Variants in CYB5R3 observed in about 807,000 individuals in gnomAD.
CYB5R3 encodes the protein cytochrome b5 reductase 3, also known as NADH-cytochrome b5 reductase 3.
Under a neutral mutation model 36.5 loss-of-function variants are expected in CYB5R3, and 28 were observed. That is an observed-to-expected ratio of 0.77 (90% confidence interval 0.57 to 1.05). The LOEUF (loss-of-function observed/expected upper bound fraction) is 1.05, where lower values mean the gene tolerates loss of function less well. Among genes scored for constraint, CYB5R3 ranks in the 50% least tolerant of loss-of-function variants. The pLI is 0.00. For synonymous variants in CYB5R3, 181 were observed against 159.8 expected (o/e 1.13, Z -1.00); for missense variants, 474 against 408.9 (o/e 1.16, Z -1.37).
chr22:42,637,684 C>T (rs1782426011), intron 1 of CYB5R3, among the ~76,000 whole-genome samples: 3 of 152,174 alleles, frequency 2.0e-5, no homozygotes, highest in Non-Finnish European at 4.4e-5. Flanking sequence ...CTCTGGGATC[C>T]CAGGGCCACG....
At chr22:42,645,676 CA>C (rs899112735) in intron 1 of CYB5R3, among the ~76,000 whole-genome samples, 5 of 152,184 alleles carry the variant, frequency 3.3e-5, no homozygotes, top group African/African-American at 4.8e-5. Flanking sequence ...ATTCAGTCCT[CA>C]AGCCTGTTCA....
chr22:42,640,919 C>T (rs763110923), intron 1 of CYB5R3, among the ~76,000 whole-genome samples: 78 of 151,884 alleles, frequency 5.1e-4, no homozygotes, highest in Middle Eastern at 3.4e-3. Flanking sequence ...TGCAGTGGCA[C>T]GGTCTCAGCT....
At chr22:42,623,947 A>G (rs1928125081) in intron 7 of CYB5R3, 59 bp from the exon 8 acceptor site, 1 of 1,471,962 alleles carries the variant, frequency 6.8e-7, no homozygotes, top group East Asian at 2.3e-5. Flanking sequence ...CCCTGGAGAC[A>G]CTCAACAGAG....
intron 8 of CYB5R3, among the ~76,000 whole-genome samples, chr22:42,622,416 G>A (rs551068234): frequency 1.3e-5 from 2 of 152,240 alleles, no homozygotes; most frequent in South Asian, 2.1e-4. Flanking sequence ...GGTCAGCTGC[G>A]GGGTCAGGTT....
chr22:42,639,869 C>T, intron 1 of CYB5R3: 2 of 1,277,334 alleles, frequency 1.6e-6, no homozygotes, highest in African/African-American at 1.5e-5. Flanking sequence ...GAATTTCTGA[C>T]AAATCTTATT....
chr22:42,631,525 C>T, intron 2 of CYB5R3, 75 bp from the exon 3 acceptor site: 1 of 1,309,236 alleles, frequency 7.6e-7, no homozygotes. Context: ...GCCTCGGAGC[C>T]CCCATCCCAT....
chr22:42,647,928 C>T (rs1041302030), intron 1 of CYB5R3, among the ~76,000 whole-genome samples: 1 of 152,120 alleles, frequency 6.6e-6, no homozygotes, highest in Non-Finnish European at 1.5e-5. Context: ...GCCATAAATC[C>T]AACCACCAGC....
chr22:42,630,815 T>G, intron 4 of CYB5R3, 67 bp downstream of exon 4: 1 of 1,347,598 alleles, frequency 7.4e-7, no homozygotes, highest in South Asian at 1.2e-5. Flanking sequence ...GTCCAGGGGG[T>G]CCACATGGGC....
chr22:42,646,953 A>G (rs1310283967), intron 1 of CYB5R3: 4 of 985,406 alleles, frequency 4.1e-6, no homozygotes, highest in Non-Finnish European at 4.8e-6. Context: ...ACAGTTCAGG[A>G]TGGCAGACCA....
chr22:42,640,486 T>C (rs962861068), intron 1 of CYB5R3: 27 of 260,510 alleles, frequency 1.0e-4, no homozygotes, highest in Non-Finnish European at 1.7e-4. Flanking sequence ...TCAAGTGATT[T>C]TCCTGCCTCA....
chr22:42,619,546 T>G lies in CYB5R3; in HGVS notation c.*227A>C, dbSNP rs566967268. ...GCTGGGCGTCTCTGGTAAGGACCAG[T>G]AAGTGCCAGGCAGGACGTACTCTGA... On this transcript the variant is annotated 3_prime_UTR_variant, in exon 9 of 9. Transcript: ENST00000352397. The G allele has an allele frequency of 1.7e-6, 1 of 586,446 alleles. No homozygotes were observed. The highest frequency in any genetic ancestry group is 3.0e-6 in the Non-Finnish European group (1 of 328,228). The allele number at this position is 586,446 out of a possible 1,614,324, so 36.3% of individuals were successfully genotyped here. A position where few individuals can be genotyped will look rare whatever the true frequency, so the allele number is the denominator to read the frequency against.
At chr22:42,627,447 G>A (rs1002118517) in intron 6 of CYB5R3, 58 bp from the exon 7 acceptor site, 17 of 1,563,290 alleles carry the variant, frequency 1.1e-5, no homozygotes, top group African/African-American at 1.1e-4. Flanking sequence ...CACAGGCACC[G>A]CCCCGCCCAG....
At chr22:42,628,963 G>C (rs979539091) in intron 4 of CYB5R3, among the ~76,000 whole-genome samples, 24 of 152,186 alleles carry the variant, frequency 1.6e-4, no homozygotes, top group African/African-American at 5.8e-4. Flanking sequence ...GAGGGGAGTG[G>C]AGGGCCACGG....
intron 1 of CYB5R3, chr22:42,640,182 C>A: frequency 1.2e-6 from 2 of 1,611,834 alleles, no homozygotes; most frequent in Non-Finnish European, 8.5e-7. Flanking sequence ...TGGTGTAGTA[C>A]CAAAATGCGG....
rs569638797 is a variant in CYB5R3, at chr22:42,623,979, G to A, written c.634-91C>T. Reference sequence around the variant, plus strand: ...AGAGACGCGCCTCGTCATCGCGCCCGCCTGCGGGCCACACGCTTGCGGAGC... The same window carrying A: ...AGAGACGCGCCTCGTCATCGCGCCCACCTGCGGGCCACACGCTTGCGGAGC... On this transcript the variant is annotated intron_variant, in intron 7 of 8. Coordinates refer to ENST00000352397, the MANE Select transcript of CYB5R3 (RefSeq NM_000398.7). 2.0e-4 allele frequency: 227 copies of A among 1,119,418 alleles called. No individual in the cohort carries two copies. The East Asian group carries it at 2.3e-3, about 11-fold the overall frequency. 69.3% of individuals were successfully genotyped at this position (1,119,418 alleles called of 1,614,324 possible). A position where few individuals can be genotyped will look rare whatever the true frequency, so the allele number is the denominator to read the frequency against.
chr22:42,627,637 A>G lies in CYB5R3; in HGVS notation c.515T>C (p.Val172Ala). 1 of 1,614,136 alleles carries G rather than the reference A, an allele frequency of 6.2e-7. No homozygotes were observed. Among genetic ancestry groups the G allele is most frequent in the Non-Finnish European group, 8.5e-7 (1 of 1,180,000 alleles). ...DKKSNPIIRT[V>A]KSVGMIAGGT... ...TCCCGCGATCATGCCCACAGACTTC[A>G]CTGTCCTGATGATAGGGTTGGACTT... Residue 172 changes from valine (V) to alanine (A), a missense_variant, in exon 6 of 9, where the codon GTG (valine) becomes GCG (alanine). Transcript: ENST00000352397.
chr22:42,646,866 G>T (rs1381003931), intron 1 of CYB5R3: 29 of 985,470 alleles, frequency 2.9e-5, no homozygotes, highest in Non-Finnish European at 3.5e-5. Flanking sequence ...GGGACAGTAG[G>T]AAAGCCCGGC....
intron 4 of CYB5R3, 129 bp from the exon 5 acceptor site, chr22:42,628,410 G>A: frequency 8.5e-7 from 1 of 1,177,110 alleles, no homozygotes. Flanking sequence ...CTCCCGTGGA[G>A]CCCCATCCAC....
intron 2 of CYB5R3, 80 bp downstream of exon 2, chr22:42,636,635 C>G: frequency 6.4e-7 from 1 of 1,574,252 alleles, no homozygotes; most frequent in South Asian, 1.1e-5. Flanking sequence ...TACTTCAGAG[C>G]AGGACCATGC....
Sources: gnomAD v4.1 joint callset for allele counts (sites outside exome capture counted in the v4.1 genomes callset) on GRCh38, gnomAD v4.1.1 for gene constraint, MANE v1.5 for transcripts, NCBI Gene and HGNC (gene_info 2026-07-23, HGNC 2026-07-21) for gene names.